Variants in ZNF251 observed in about 807,000 individuals in gnomAD.
The protein encoded by ZNF251 is zinc finger protein 251.
ZNF251 carries 14 observed loss-of-function variants against 13.5 expected under a neutral mutation model. That is an observed-to-expected ratio of 1.04 (90% confidence interval 0.69 to 1.63). ZNF251 has a LOEUF of 1.63. Among genes scored for constraint, ZNF251 ranks in the 40% most tolerant of loss-of-function variants. ZNF251 has a pLI of 0.00. For missense variants in ZNF251, 764 were observed against 834.9 expected, an observed-to-expected ratio of 0.92 and a Z score of 1.05; for synonymous variants, 287 against 295.2, an observed-to-expected ratio of 0.97 and a Z score of 0.28.
intron 4 of ZNF251, among the ~76,000 whole-genome samples, chr8:144,731,256 A>C (rs956900300): frequency 6.6e-6 from 1 of 152,198 alleles, no homozygotes; most frequent in African/African-American, 2.4e-5. Context: ...AAATGACCAC[A>C]AACAGTGGCT....
chr8:144,740,252 T>C (rs932517930), intron 4 of ZNF251, among the ~76,000 whole-genome samples: 1 of 152,054 alleles, frequency 6.6e-6, no homozygotes, highest in Non-Finnish European at 1.5e-5. Context: ...GCCATTGCAC[T>C]CTAGCCTGGG....
At position 144,722,975 on chromosome 8, in the gene ZNF251, T is replaced by C; in HGVS notation, c.685A>G (p.Arg229Gly). ...KYNSDLSRHQ[R>G]SHTGEKPYEC... ...TACGGCTTCTCCCCAGTGTGACTTC[T>C]CTGGTGTCTACTTAGGTCTGAATTA... Residue 229 changes from arginine (R) to glycine (G), a missense_variant, in exon 5 of 5, where the codon AGA becomes GGA. By Grantham distance (125) the Arg-to-Gly change is moderately radical (BLOSUM62 -2). Coordinates refer to ENST00000292562, the MANE Select transcript of ZNF251 (RefSeq NM_138367.2). This position sits in a 1 kb window ranked among gnomAD's most constrained non-coding sequence, Gnocchi z 4.8. 1 of 1,613,924 alleles carries C rather than the reference T, an allele frequency of 6.2e-7. No homozygotes were observed. The highest frequency in any genetic ancestry group is 8.5e-7 in the Non-Finnish European group (1 of 1,179,796).
intron 4 of ZNF251, among the ~76,000 whole-genome samples, chr8:144,737,307 AG>A (rs1479175148): frequency 6.6e-6 from 1 of 152,034 alleles, no homozygotes; most frequent in Non-Finnish European, 1.5e-5. Context: ...TATGTTGGCC[AG>A]GCTGGTCTTG....
At chr8:144,730,199 G>A (rs1294375017) in intron 4 of ZNF251, 3 of 823,180 alleles carry the variant, frequency 3.6e-6, no homozygotes, top group South Asian at 5.5e-5. Context: ...CTCCAGGCGC[G>A]GGGCCCAGAG....
chr8:144,725,075 A>G (rs1415135518), intron 4 of ZNF251, among the ~76,000 whole-genome samples: 1 of 151,840 alleles, frequency 6.6e-6, no homozygotes, highest in Non-Finnish European at 1.5e-5. Flanking sequence ...GTGCAATGGC[A>G]CGATCTCGGC....
At chr8:144,745,849 C>A (rs767529807) in intron 4 of ZNF251, among the ~76,000 whole-genome samples, 10 of 152,068 alleles carry the variant, frequency 6.6e-5, no homozygotes, top group Non-Finnish European at 1.2e-4. Context: ...CACTTAGCCC[C>A]TGAGACTGTG....
Position 144,755,493 on chromosome 8 carries a change from G to C in ZNF251, c.-164C>G, listed in dbSNP as rs978755549. 5 of 1,287,058 alleles carry C rather than the reference G, an allele frequency of 3.9e-6. No individual in the cohort carries two copies. Among genetic ancestry groups the C allele is most frequent in the Admixed American group, 2.3e-5 (1 of 43,548 alleles). The allele number at this position is 1,287,058 out of a possible 1,614,324, so 79.7% of individuals were successfully genotyped here. A position where few individuals can be genotyped will look rare whatever the true frequency, so the allele number is the denominator to read the frequency against. ...CCGGAACGGACCCTCCCACAGAACC[G>C]GGTCCAGAGCCGGGGAGGGGGCGGG... On this transcript the variant is annotated 5_prime_UTR_variant, in exon 1 of 5. Transcript: ENST00000292562.
intron 2 of ZNF251, 168 bp from the exon 3 acceptor site, chr8:144,754,489 A>G: frequency 6.9e-7 from 1 of 1,446,016 alleles, no homozygotes; most frequent in Non-Finnish European, 9.1e-7. Flanking sequence ...AGGACCAGCC[A>G]ACTTCAGCTA....
chr8:144,738,765 T>G (rs1241066149), intron 4 of ZNF251: 8 of 983,742 alleles, frequency 8.1e-6, no homozygotes, highest in Non-Finnish European at 9.6e-6. Flanking sequence ...GGCACCTGTT[T>G]GTGGAAACAG....
chr8:144,732,628 CG>C, intron 4 of ZNF251, among the ~76,000 whole-genome samples: 1 of 151,480 alleles, frequency 6.6e-6, no homozygotes, highest in Non-Finnish European at 1.5e-5. Context: ...CTGGCCAACA[CG>C]GTGAAACCCC....
chr8:144,729,343 T>G (rs868804125), intron 4 of ZNF251, among the ~76,000 whole-genome samples: 7 of 149,570 alleles, frequency 4.7e-5, no homozygotes, highest in Non-Finnish European at 1.0e-4. Context: ...TTATTTTTTT[T>G]TTTTTTTTTG....
Position 144,723,039 on chromosome 8 carries a change from C to G in ZNF251, c.621G>C (p.Arg207Ser). 1 of 1,613,856 alleles carries G rather than the reference C, an allele frequency of 6.2e-7. No individual in the cohort carries two copies. Among genetic ancestry groups the G allele is most frequent in the Non-Finnish European group, 8.5e-7 (1 of 1,179,862 alleles). ...VRLQRNKTGE[R>S]VFKCDICSKT... The stretch of plus-strand genomic sequence containing the variant: ...TGCTGCATATATCACATTTAAAGAC[C>G]CTCTCTCCTGTTTTATTTCTTTGAA... Residue 207 changes from arginine to serine, a missense_variant, in exon 5 of 5, where the codon AGG becomes AGC. Coordinates refer to ENST00000292562, the MANE Select transcript of ZNF251 (RefSeq NM_138367.2).
In ZNF251 at chr8:144,749,884, C is replaced by CT. The variant is rs58426780; in HGVS notation, c.277+3798dup. 3.3e-3 allele frequency among the ~76,000 whole-genome samples: 427 copies of CT among 128,358 alleles called. 3 individuals carry two copies. The highest frequency in any genetic ancestry group is 9.7e-3 in the African/African-American group (304 of 31,492). 84.2% of individuals were successfully genotyped at this position (128,358 alleles called of 152,430 possible). On this transcript the variant is annotated intron_variant, in intron 4 of 4. Coordinates refer to ENST00000292562, the MANE Select transcript of ZNF251 (RefSeq NM_138367.2). ...AATTTCTTTTTCTTTTCTTTTTTTT[C>CT]TTTTTTTTTTTTTTTTAAGAAAGAT... is the stretch of plus-strand genomic sequence containing the variant.
At chr8:144,732,795 G>C (rs919671516) in intron 4 of ZNF251, among the ~76,000 whole-genome samples, 5 of 133,144 alleles carry the variant, frequency 3.8e-5, no homozygotes, top group African/African-American at 8.6e-5. Context: ...CTGGGCGACA[G>C]AGCGAGACTC....
intron 4 of ZNF251, among the ~76,000 whole-genome samples, chr8:144,728,571 G>C (rs1823586652): frequency 6.6e-6 from 1 of 150,538 alleles, no homozygotes; most frequent in East Asian, 2.0e-4. Context: ...GCTGAGGCAG[G>C]AGAATAGCAT....
At chr8:144,730,037 G>A (rs999275451) in intron 4 of ZNF251, 11 of 985,322 alleles carry the variant, frequency 1.1e-5, no homozygotes, top group Non-Finnish European at 1.3e-5. Flanking sequence ...CCACCAACTC[G>A]AGGCCGCTCA....
Position 144,725,020 on chromosome 8 carries a change from T to C in ZNF251, c.278-1638A>G, listed in dbSNP as rs550924217. Among the ~76,000 whole-genome samples the C allele has an allele frequency of 8.5e-5, 13 of 152,284 alleles. No homozygotes were observed. In the East Asian group the frequency reaches 1.9e-3, roughly 23 times the overall value. Reference sequence around the variant, plus strand: ...CACCTTTTTTCTTTCTTTCTTGTTTTTTTTTTCTTTGAGACAGAGTTTCAC... The same window carrying C: ...CACCTTTTTTCTTTCTTTCTTGTTTCTTTTTTCTTTGAGACAGAGTTTCAC... On this transcript the variant is annotated intron_variant, in intron 4 of 4. Coordinates refer to ENST00000292562, the MANE Select transcript of ZNF251 (RefSeq NM_138367.2).
At chr8:144,724,126 C>T (rs1206932223) in intron 4 of ZNF251, among the ~76,000 whole-genome samples, 1 of 151,850 alleles carries the variant, frequency 6.6e-6, no homozygotes, top group African/African-American at 2.4e-5. Flanking sequence ...CGCCCGTAGT[C>T]CCAGCTACTC....
At chr8:144,732,592 C>T (rs1229674491) in intron 4 of ZNF251, among the ~76,000 whole-genome samples, 1 of 151,818 alleles carries the variant, frequency 6.6e-6, no homozygotes, top group Non-Finnish European at 1.5e-5. Context: ...GCGGGGGAAT[C>T]ACGAGGTCAG....
Sources: allele counts gnomAD v4.1 joint callset (sites outside exome capture counted in the v4.1 genomes callset), GRCh38; gene constraint gnomAD v4.1.1; non-coding constraint Gnocchi (gnomAD v3.1); transcripts MANE v1.5; gene names NCBI Gene and HGNC (gene_info 2026-07-23, HGNC 2026-07-21).